ADPRS: variants seen among roughly 807,000 people sequenced by gnomAD.
The protein encoded by ADPRS is ADP-ribosylhydrolase ARH3.
ADPRS carries 25 observed loss-of-function variants against 32.1 expected under a neutral mutation model. That is an observed-to-expected ratio of 0.78 (90% CI 0.57 to 1.09). ADPRS has a LOEUF of 1.09. ADPRS is among the 50% of genes least tolerant of loss of function. The pLI is 0.00. For synonymous variants in ADPRS, 225 were observed against 201.0 expected (o/e 1.12, Z -1.01); for missense variants, 482 against 480.6 (o/e 1.00, Z -0.03).
In ADPRS at chr1:36,088,913, A is replaced by G. The variant is rs747425056; in HGVS notation, c.9A>G (p.Ala3=). 1.1e-5 allele frequency: 17 copies of G among 1,525,594 alleles called. No homozygotes were observed. In the South Asian group the frequency reaches 1.2e-4, roughly 11 times the overall value. 94.5% of individuals were successfully genotyped at this position (1,525,594 alleles called of 1,614,324 possible). ...GAGCAGTCTGCGCGCGGATGGCCGC[A>G]GCGGCGATGGCGGCAGCGGCAGGTG... MA[A]AAMAAAAGGG... is the part of the protein sequence containing the mutation. Residue 3 remains alanine, a synonymous_variant, in exon 1 of 6, where the codon GCA becomes GCG. Coordinates refer to ENST00000373178, the MANE Select transcript of ADPRS (RefSeq NM_017825.3).
At position 36,091,899 on chromosome 1, in the gene ADPRS, C is replaced by T; in HGVS notation, c.517-11C>T. 2 of 1,597,310 alleles carry T rather than the reference C, an allele frequency of 1.3e-6. No individual in the cohort carries two copies. The highest frequency in any genetic ancestry group is 1.1e-5 in the South Asian group (1 of 89,312). ...CAGGGCTTCTGTGACAGCAGGTCTCCTCCTCCCTAGTTTGCCCGGCTCTCG... is the reference window on the plus strand; with the variant it reads ...CAGGGCTTCTGTGACAGCAGGTCTCTTCCTCCCTAGTTTGCCCGGCTCTCG... On this transcript the variant is annotated splice_polypyrimidine_tract_variant and intron_variant, in intron 3 of 5. Coordinates refer to ENST00000373178, the MANE Select transcript of ADPRS (RefSeq NM_017825.3).
intron 2 of ADPRS, 123 bp downstream of exon 2, chr1:36,091,463 G>A: frequency 8.2e-7 from 1 of 1,226,272 alleles, no homozygotes; most frequent in African/African-American, 1.5e-5. Context: ...GTGTCAGGCT[G>A]GCACAGCTTC....
Position 36,091,895 on chromosome 1 carries a change from TCTC to T in ADPRS, c.517-7_517-5del. On this transcript the variant is annotated splice_polypyrimidine_tract_variant and intron_variant, in intron 3 of 5. Coordinates refer to ENST00000373178, the MANE Select transcript of ADPRS (RefSeq NM_017825.3). ...GCAGCAGGGCTTCTGTGACAGCAGGTCTCCTCCTCCCTAGTTTGCCCGGCTCTC... is the reference window on the plus strand; with the variant it reads ...GCAGCAGGGCTTCTGTGACAGCAGGTCTCCTCCCTAGTTTGCCCGGCTCTC... 1.3e-6 allele frequency: 2 copies of T among 1,594,576 alleles called. No individual in the cohort carries two copies. The highest frequency in any genetic ancestry group is 1.3e-5 in the African/African-American group (1 of 74,686).
At position 36,091,395 on chromosome 1, in the gene ADPRS, C is replaced by T. The variant is rs551589447; in HGVS notation, c.308+55C>T. The T allele has an allele frequency of 5.2e-6, 8 of 1,527,408 alleles. No individual in the cohort carries two copies. The Admixed American group carries it at 1.2e-4, about 23-fold the overall frequency. The allele number at this position is 1,527,408 out of a possible 1,614,324, so 94.6% of individuals were successfully genotyped here. A position where few individuals can be genotyped will look rare whatever the true frequency, so the allele number is the denominator to read the frequency against. On this transcript the variant is annotated intron_variant, in intron 2 of 5. Coordinates refer to ENST00000373178, the MANE Select transcript of ADPRS (RefSeq NM_017825.3). The stretch of plus-strand genomic sequence containing the variant: ...ACCAGGTGGGAAAGTTATTGCACCC[C>T]TTGACCAGAGGAATGACATTTGTGC...
rs1485658008 is a variant in ADPRS, at chr1:36,093,907, C to G, written c.*521C>G. On this transcript the variant is annotated 3_prime_UTR_variant, in exon 6 of 6. Transcript: ENST00000373178. Reference sequence around the variant, plus strand: ...TATTAACAGCTTCCAGTGGAAGTCGCAATAAACAGTTTTTGGTAAATCTCA... The same window carrying G: ...TATTAACAGCTTCCAGTGGAAGTCGGAATAAACAGTTTTTGGTAAATCTCA... 1.3e-5 allele frequency: 2 copies of G among 158,840 alleles called. No individual in the cohort carries two copies. The highest frequency in any genetic ancestry group is 2.8e-5 in the Non-Finnish European group (2 of 71,720). The allele number at this position is 158,840 out of a possible 1,614,324, so 9.8% of individuals were successfully genotyped here. A position where few individuals can be genotyped will look rare whatever the true frequency, so the allele number is the denominator to read the frequency against.
At position 36,089,107 on chromosome 1, in the gene ADPRS, A is replaced by G; in HGVS notation, c.203A>G (p.Glu68Gly). The G allele has an allele frequency of 7.0e-7, 1 of 1,420,144 alleles. No individual in the cohort carries two copies. Among genetic ancestry groups the G allele is most frequent in the South Asian group, 1.6e-5 (1 of 64,150 alleles). The allele number at this position is 1,420,144 out of a possible 1,614,324, so 88.0% of individuals were successfully genotyped here. The part of the protein sequence containing the change: ...LEPDPGTPGS[E>G]RTEALYYTDD... ...CCGGACCCCGGCACGCCCGGGAGTGAGCGGACAGGTGGGCGGGGCCGGGCG... is the reference window on the plus strand; with the variant it reads ...CCGGACCCCGGCACGCCCGGGAGTGGGCGGACAGGTGGGCGGGGCCGGGCG... Residue 68 changes from glutamate to glycine, a missense_variant, in exon 1 of 6, where the codon GAG becomes GGG. By Grantham distance (98) the Glu-to-Gly change is moderately conservative (BLOSUM62 -2). Transcript: ENST00000373178.
intron 2 of ADPRS, 26 bp from the exon 3 acceptor site, chr1:36,091,592 A>G (rs1643484444): frequency 2.6e-6 from 4 of 1,552,124 alleles, no homozygotes; most frequent in Non-Finnish European, 3.5e-6. Context: ...GTAAATCTGA[A>G]TTCTGTCTCC....
intron 5 of ADPRS, 51 bp downstream of exon 5, chr1:36,092,573 G>A (rs374726830): frequency 8.9e-6 from 14 of 1,571,254 alleles, no homozygotes; most frequent in African/African-American, 5.4e-5. Flanking sequence ...CTTCAGGGTC[G>A]GTCTTGGGCT....
Position 36,093,473 on chromosome 1 carries a change from C to T in ADPRS, c.*87C>T. The T allele has an allele frequency of 2.6e-6, 4 of 1,511,420 alleles. No homozygotes were observed. The highest frequency in any genetic ancestry group is 2.3e-5 in the East Asian group (1 of 44,062). 93.6% of individuals were successfully genotyped at this position (1,511,420 alleles called of 1,614,324 possible). On this transcript the variant is annotated 3_prime_UTR_variant, in exon 6 of 6. Coordinates refer to ENST00000373178, the MANE Select transcript of ADPRS (RefSeq NM_017825.3). ...AAACCCTGCGCTTCCTTGAGTGTGGCTTCCCACTTTTCCTGCATTGTGGAG... is the reference window on the plus strand; with the variant it reads ...AAACCCTGCGCTTCCTTGAGTGTGGTTTCCCACTTTTCCTGCATTGTGGAG...
chr1:36,089,059 T>C lies in ADPRS; in HGVS notation c.155T>C (p.Leu52Pro). Reference protein sequence around the residue: ...AHDTVDLTSVLRHVQSLEPDP... With the variant: ...AHDTVDLTSVPRHVQSLEPDP... ...GACACCGTCGACCTGACGTCAGTCC[T>C]GCGTCATGTCCAGAGTCTGGAGCCG... The change falls in exon 1 of 6, where the codon CTG (leucine) becomes CCG (proline). Residue 52 changes from leucine (L) to proline (P), a missense_variant. Physicochemically the swap from Leu to Pro is moderately conservative, Grantham distance 98. Coordinates refer to ENST00000373178, the MANE Select transcript of ADPRS (RefSeq NM_017825.3). 2 of 1,471,038 alleles carry C rather than the reference T, an allele frequency of 1.4e-6. No homozygotes were observed. Among genetic ancestry groups the C allele is most frequent in the Non-Finnish European group, 1.8e-6 (2 of 1,115,466 alleles). The allele number at this position is 1,471,038 out of a possible 1,614,324, so 91.1% of individuals were successfully genotyped here.
At position 36,091,706 on chromosome 1, in the gene ADPRS, C is replaced by T. The variant is rs150395881; in HGVS notation, c.397C>T (p.Arg133Cys). The T allele has an allele frequency of 2.1e-4, 343 of 1,613,940 alleles. No homozygotes were observed. Among genetic ancestry groups the T allele is most frequent in the Middle Eastern group, 4.9e-4 (3 of 6,062 alleles). The change falls in exon 3 of 6, where the codon CGC (arginine) becomes TGC (cysteine). Residue 133 changes from arginine to cysteine, a missense_variant. Arg to Cys is a radical substitution (Grantham distance 180, BLOSUM62 -3). Transcript: ENST00000373178. ...CAAGAAGCTCCTGAACCCCAAATGT[C>T]GCGATGTCTTTGAGCCTGCCCGGGC... ...VFKKLLNPKC[R>C]DVFEPARAQF...
rs1364276650 is a variant in ADPRS at position 36,089,027 on chromosome 1, G to C, written c.123G>C (p.Glu41Asp). The change falls in exon 1 of 6, where the codon GAG becomes GAC. Residue 41 changes from glutamate to aspartate, a missense_variant. Transcript: ENST00000373178. ...LLGDCVGSFY[E>D]AHDTVDLTSV... ...GGGACTGCGTGGGCTCCTTCTACGA[G>C]GCCCACGACACCGTCGACCTGACGT... 1 of 1,474,798 alleles carries C rather than the reference G, an allele frequency of 6.8e-7. No individual in the cohort carries two copies. Among genetic ancestry groups the C allele is most frequent in the Non-Finnish European group, 8.9e-7 (1 of 1,117,362 alleles). 91.4% of individuals were successfully genotyped at this position (1,474,798 alleles called of 1,614,324 possible).
chr1:36,093,397 A>G lies in ADPRS; in HGVS notation c.*11A>G, dbSNP rs554615991. The stretch of plus-strand genomic sequence containing the variant: ...TTCCAGAAGAGTTGATGAGGGCTAC[A>G]GCTGTTGGGGCTCTGCCAGGTCCCC... On this transcript the variant is annotated 3_prime_UTR_variant, in exon 6 of 6. Coordinates refer to ENST00000373178, the MANE Select transcript of ADPRS (RefSeq NM_017825.3). 1 of 1,605,764 alleles carries G rather than the reference A, an allele frequency of 6.2e-7. No homozygotes were observed. The highest frequency in any genetic ancestry group is 2.2e-5 in the East Asian group (1 of 44,734).
Position 36,093,328 on chromosome 1 carries a change from G to T in ADPRS, c.1034G>T (p.Gly345Val). The change falls in exon 6 of 6, where the codon GGC (glycine) becomes GTC (valine). Residue 345 changes from glycine to valine, a missense_variant. By Grantham distance (109) the Gly-to-Val change is moderately radical. Transcript: ENST00000373178. ...VPESWQQSCE[G>V]YEETDILAQS... ...GAGAGCTGGCAGCAAAGCTGTGAAG[G>T]CTACGAGGAGACAGACATCCTGGCC... 2 of 1,614,254 alleles carry T rather than the reference G, an allele frequency of 1.2e-6. No individual in the cohort carries two copies. Among genetic ancestry groups the T allele is most frequent in the Non-Finnish European group, 1.7e-6 (2 of 1,180,056 alleles).
chr1:36,092,469 G>A lies in ADPRS; in HGVS notation c.749G>A (p.Gly250Glu). ...RPYSSRLKKIGELLDQASVTR... is the reference protein window; with the variant it reads ...RPYSSRLKKIEELLDQASVTR... Reference sequence around the variant, plus strand: ...TACTCCAGCCGCCTGAAGAAGATTGGAGAGCTTCTAGACCAGGCATCGGTG... The same window carrying A: ...TACTCCAGCCGCCTGAAGAAGATTGAAGAGCTTCTAGACCAGGCATCGGTG... The change falls in exon 5 of 6, where the codon GGA (glycine) becomes GAA (glutamate). Residue 250 changes from glycine (G) to glutamate (E), a missense_variant. Coordinates refer to ENST00000373178, the MANE Select transcript of ADPRS (RefSeq NM_017825.3). The A allele has an allele frequency of 6.2e-7, 1 of 1,614,214 alleles. No individual in the cohort carries two copies.
intron 1 of ADPRS, among the ~76,000 whole-genome samples, chr1:36,090,768 T>C (rs557141159): frequency 6.6e-6 from 1 of 150,866 alleles, no homozygotes; most frequent in East Asian, 2.0e-4. Flanking sequence ...AAGAGGCTCC[T>C]TGAGCCTGGG....
rs143753058 is a variant in ADPRS, at chr1:36,089,489, C to T, written c.211+374C>T. On this transcript the variant is annotated intron_variant, in intron 1 of 5. Transcript: ENST00000373178. ...GCCTATGAATGCGTATCAGCGTTAT[C>T]AGAAAGCCGAAAAAAACTTAAGTTG... is the stretch of plus-strand genomic sequence containing the variant. 3.3e-5 allele frequency among the ~76,000 whole-genome samples: 5 copies of T among 152,334 alleles called. No individual in the cohort carries two copies. The East Asian group carries it at 9.6e-4, about 29-fold the overall frequency.
At position 36,091,304 on chromosome 1, in the gene ADPRS, C is replaced by A; in HGVS notation, c.272C>A (p.Ala91Asp). The A allele has an allele frequency of 6.2e-7, 1 of 1,614,186 alleles. No individual in the cohort carries two copies. The highest frequency in any genetic ancestry group is 8.5e-7 in the Non-Finnish European group (1 of 1,180,018). ...AGGGCCCTGGTGCAGTCCCTGCTAG[C>A]CAAGGAGGCCTTTGACGAGGTGGAC... The part of the protein sequence containing the change: ...MARALVQSLL[A>D]KEAFDEVDMA... Residue 91 changes from alanine (A) to aspartate (D), a missense_variant, in exon 2 of 6, where the codon GCC becomes GAC. Transcript: ENST00000373178.
rs1643480343 is a variant in ADPRS, at chr1:36,091,323, G to C, written c.291G>C (p.Glu97Asp). The change falls in exon 2 of 6, where the codon GAG (glutamate) becomes GAC (aspartate). Residue 97 changes from glutamate to aspartate, a missense_variant. Glu to Asp is a conservative substitution (Grantham distance 45, BLOSUM62 2). Transcript: ENST00000373178. The stretch of plus-strand genomic sequence containing the variant: ...TGCTAGCCAAGGAGGCCTTTGACGA[G>C]GTGGACATGGCTCACAGGTGAGGGG... Reference protein sequence around the residue: ...QSLLAKEAFDEVDMAHRFAQE... With the variant: ...QSLLAKEAFDDVDMAHRFAQE... 1 of 1,614,132 alleles carries C rather than the reference G, an allele frequency of 6.2e-7. No individual in the cohort carries two copies. Among genetic ancestry groups the C allele is most frequent in the Non-Finnish European group, 8.5e-7 (1 of 1,180,012 alleles).
Sources: allele counts gnomAD v4.1 joint callset (sites outside exome capture counted in the v4.1 genomes callset), GRCh38; gene constraint gnomAD v4.1.1; transcripts MANE v1.5; gene names NCBI Gene and HGNC (gene_info 2026-07-23, HGNC 2026-07-21).